ARHGAP40: variants seen among roughly 807,000 people sequenced by gnomAD.
ARHGAP40 encodes the protein Rho GTPase activating protein 40, also known as rho GTPase-activating protein 40.
In ARHGAP40, 43 loss-of-function variants were observed where a neutral mutation model predicts 73.5. The observed-to-expected ratio is 0.58, with a 90% confidence interval of 0.46 to 0.75. The LOEUF (loss-of-function observed/expected upper bound fraction) is 0.75, where lower values mean the gene tolerates loss of function less well. ARHGAP40 is among the 30% of genes least tolerant of loss of function. ARHGAP40 has a pLI of 0.00. For missense variants in ARHGAP40, 734 were observed against 861.8 expected (o/e 0.85, Z 1.86); for synonymous variants, 300 against 352.8 (o/e 0.85, Z 1.68).
At chr20:38,635,524 G>C (rs116263380) in intron 6 of ARHGAP40, among the ~76,000 whole-genome samples, 3,933 of 152,048 alleles carry the variant, frequency 0.026, 165 homozygotes, top group African/African-American at 0.088. Flanking sequence ...GTAGCCAGGC[G>C]TGCTGGTGCA....
chr20:38,643,667 G>A lies in ARHGAP40; in HGVS notation c.1363-37G>A, dbSNP rs532063842. The A allele has an allele frequency of 7.7e-6, 10 of 1,299,284 alleles. No homozygotes were observed. In the Admixed American group the frequency reaches 1.6e-4, roughly 21 times the overall value. 80.5% of individuals were successfully genotyped at this position (1,299,284 alleles called of 1,614,324 possible). Reference sequence around the variant, plus strand: ...GGATGGTGGGGAGGCGCCAGGGATGGGCTGAGATTTGAGGGAGGCTCTGCA... The same window carrying A: ...GGATGGTGGGGAGGCGCCAGGGATGAGCTGAGATTTGAGGGAGGCTCTGCA... On this transcript the variant is annotated intron_variant, in intron 10 of 14. Coordinates refer to ENST00000373345, the Ensembl canonical transcript of ARHGAP40.
At chr20:38,632,205 C>G (rs1447049189) in intron 5 of ARHGAP40, among the ~76,000 whole-genome samples, 2 of 151,810 alleles carry the variant, frequency 1.3e-5, no homozygotes, top group East Asian at 3.9e-4. Flanking sequence ...CTCAGGTGAT[C>G]TGCCCGCCTC....
At position 38,615,376 on chromosome 20, in the gene ARHGAP40, C is replaced by A. The variant is rs956270269; in HGVS notation, c.138-7983C>A. ...CTGGTAAACCAGGGTTAAAAGGCCCCAGGTACCCACCCCAATGAGGTAGCT... is the reference window on the plus strand; with the variant it reads ...CTGGTAAACCAGGGTTAAAAGGCCCAAGGTACCCACCCCAATGAGGTAGCT... On this transcript the variant is annotated intron_variant, in intron 1 of 14. Coordinates refer to ENST00000373345, the Ensembl canonical transcript of ARHGAP40. 5.8e-5 allele frequency: 43 copies of A among 745,848 alleles called. No individual in the cohort carries two copies. In the Admixed American group the frequency reaches 8.0e-4, roughly 14 times the overall value. 46.2% of individuals were successfully genotyped at this position (745,848 alleles called of 1,614,324 possible).
intron 1 of ARHGAP40, among the ~76,000 whole-genome samples, chr20:38,614,732 G>A (rs2088824591): frequency 6.6e-6 from 1 of 152,218 alleles, no homozygotes; most frequent in Non-Finnish European, 1.5e-5. Context: ...GTCCCAGGGA[G>A]CTAAGTTTTA....
At chr20:38,617,772 A>G (rs1196640575) in intron 1 of ARHGAP40, among the ~76,000 whole-genome samples, 1 of 152,224 alleles carries the variant, frequency 6.6e-6, no homozygotes, top group African/African-American at 2.4e-5. Flanking sequence ...TGGGTGAGCC[A>G]CTTGCTGTGT....
intron 1 of ARHGAP40, among the ~76,000 whole-genome samples, chr20:38,611,439 A>G (rs2088804472): frequency 6.7e-6 from 1 of 148,464 alleles, no homozygotes; most frequent in African/African-American, 2.5e-5. Context: ...TTTTTTAGAA[A>G]CAGGGTCTCA....
intron 1 of ARHGAP40, chr20:38,615,387 C>G: frequency 2.7e-6 from 2 of 739,822 alleles, no homozygotes; most frequent in Non-Finnish European, 5.0e-6. Context: ...AGGTACCCAC[C>G]CCAATGAGGT....
intron 3 of ARHGAP40, among the ~76,000 whole-genome samples, chr20:38,627,645 G>T (rs2088910462): frequency 2.2e-5 from 3 of 138,876 alleles, no homozygotes; most frequent in East Asian, 2.1e-4. Context: ...GTGTGTGTGG[G>T]GTGTGTTGGT....
intron 11 of ARHGAP40, 136 bp downstream of exon 11, chr20:38,644,046 T>C: frequency 1.4e-6 from 1 of 690,048 alleles, no homozygotes; most frequent in Non-Finnish European, 2.0e-6. Flanking sequence ...TGCACAGGCC[T>C]GTGTTTTCTT....
At chr20:38,615,402 C>G in intron 1 of ARHGAP40, 1 of 728,820 alleles carries the variant, frequency 1.4e-6, no homozygotes, top group Non-Finnish European at 2.6e-6. Context: ...TGAGGTAGCT[C>G]TTGTCCAGAC....
intron 2 of ARHGAP40, among the ~76,000 whole-genome samples, chr20:38,624,281 C>T (rs1429328989): frequency 2.6e-5 from 4 of 152,076 alleles, no homozygotes; most frequent in Non-Finnish European, 5.9e-5. Context: ...CCTGGGCTTC[C>T]TCACAGCATG....
chr20:38,641,662 G>A, intron 9 of ARHGAP40, 64 bp from the exon 10 acceptor site: 1 of 1,189,826 alleles, frequency 8.4e-7, no homozygotes, highest in South Asian at 1.4e-5. Context: ...CCCAAGAAGA[G>A]ACCAGACTGA....
At chr20:38,630,651 G>A (rs1355239945) in intron 5 of ARHGAP40, among the ~76,000 whole-genome samples, 2 of 152,158 alleles carry the variant, frequency 1.3e-5, no homozygotes, top group Non-Finnish European at 2.9e-5. Context: ...ACCAGGTACA[G>A]CTTGGTGTGT....
chr20:38,606,981 C>T (rs2088773735), intron 1 of ARHGAP40, among the ~76,000 whole-genome samples: 1 of 152,188 alleles, frequency 6.6e-6, no homozygotes, highest in Non-Finnish European at 1.5e-5. Context: ...AGCCTTGGTT[C>T]CTTTTCTGTA....
intron 1 of ARHGAP40, among the ~76,000 whole-genome samples, chr20:38,603,039 T>G (rs1228510745): frequency 6.6e-6 from 1 of 152,214 alleles, no homozygotes; most frequent in Non-Finnish European, 1.5e-5. Flanking sequence ...AAAGGAATGT[T>G]AGAATCTGAA....
At chr20:38,615,188 T>A (rs1337101487) in intron 1 of ARHGAP40, 2 of 806,568 alleles carry the variant, frequency 2.5e-6, no homozygotes, top group Admixed American at 1.7e-5. Flanking sequence ...GCTTGGTAAG[T>A]TCCATGTAGT....
chr20:38,618,483 G>T (rs78818257), intron 1 of ARHGAP40, among the ~76,000 whole-genome samples: 5,487 of 152,050 alleles, frequency 0.036, 317 homozygotes, highest in African/African-American at 0.12. Flanking sequence ...ATTTTATTCC[G>T]CTTAGCGATT....
intron 13 of ARHGAP40, among the ~76,000 whole-genome samples, chr20:38,647,672 C>T (rs1211046642): frequency 1.3e-5 from 2 of 152,154 alleles, no homozygotes; most frequent in Non-Finnish European, 1.5e-5. Context: ...GGATTACAGG[C>T]GTGAGCCACC....
At chr20:38,615,121 C>A in intron 1 of ARHGAP40, 1 of 975,592 alleles carries the variant, frequency 1.0e-6, no homozygotes, top group Non-Finnish European at 1.7e-6. Flanking sequence ...ATATCCTTGA[C>A]CAGGGTCCGG....
Sources: allele counts gnomAD v4.1 joint callset (sites outside exome capture counted in the v4.1 genomes callset), GRCh38; gene constraint gnomAD v4.1.1; transcripts MANE v1.5; gene names NCBI Gene and HGNC (gene_info 2026-07-23, HGNC 2026-07-21).